The following CA10 variants were observed in gnomAD, a reference collection of about 807,000 sequenced individuals.
CA10 encodes carbonic anhydrase-related protein 10.
A neutral mutation model predicts 44.2 loss-of-function variants in CA10; 14 were observed. The ratio of observed to expected loss-of-function variants is 0.32; its 90% CI spans 0.21 to 0.50. The LOEUF (loss-of-function observed/expected upper bound fraction) is 0.50, where lower values mean the gene tolerates loss of function less well. Among genes scored for constraint, CA10 ranks in the 20% least tolerant of loss-of-function variants. CA10 has a pLI of 0.99. For synonymous variants in CA10, 159 were observed against 141.6 expected (o/e 1.12, Z -0.87); for missense variants, 350 against 409.7 (o/e 0.85, Z 1.26).
At chr17:51,715,724 T>A (rs1443532554) in intron 4 of CA10, among the ~76,000 whole-genome samples, 1 of 152,148 alleles carries the variant, frequency 6.6e-6, no homozygotes, top group African/African-American at 2.4e-5. Context: ...GGAGTCTCGC[T>A]CTGTTACCCA....
intron 4 of CA10, among the ~76,000 whole-genome samples, chr17:51,703,540 G>A (rs773613518): frequency 6.6e-6 from 1 of 152,086 alleles, no homozygotes; most frequent in Non-Finnish European, 1.5e-5. Context: ...AATAAAATGA[G>A]AGGATGTGTG....
chr17:51,966,851 A>G (rs1390231572), intron 2 of CA10, among the ~76,000 whole-genome samples: 2 of 152,042 alleles, frequency 1.3e-5, no homozygotes, highest in East Asian at 3.9e-4. Flanking sequence ...AACAAAAACA[A>G]AAATTGGCAA....
At chr17:51,975,790 G>C (rs1225905765) in intron 2 of CA10, among the ~76,000 whole-genome samples, 1 of 147,184 alleles carries the variant, frequency 6.8e-6, no homozygotes, top group African/African-American at 2.5e-5. Flanking sequence ...TAGATCGTTA[G>C]AACCGAGGAG....
rs552336694 is a variant in CA10, at chr17:51,909,469, CTCT to C, written c.279+21518_279+21520del. Among the ~76,000 whole-genome samples, 12 of 152,230 alleles carry C rather than the reference CTCT, an allele frequency of 7.9e-5. No homozygotes were observed. The East Asian group carries it at 1.9e-3, about 24-fold the overall frequency. ...AAAAGGGGAAGCTCAGTGTCCTCTGCTCTTTTTTCGAGCTATTTTGAGACATGG... is the reference window on the plus strand; with the variant it reads ...AAAAGGGGAAGCTCAGTGTCCTCTGCTTTTTCGAGCTATTTTGAGACATGG... On this transcript the variant is annotated intron_variant, in intron 3 of 8. Transcript: ENST00000451037.
intron 4 of CA10, among the ~76,000 whole-genome samples, chr17:51,727,287 G>T (rs1345521773): frequency 6.6e-6 from 1 of 152,142 alleles, no homozygotes; most frequent in Non-Finnish European, 1.5e-5. Flanking sequence ...CAGGAGGAAA[G>T]GTCTTCCCCC....
At chr17:51,894,339 C>G (rs1235436357) in intron 3 of CA10, among the ~76,000 whole-genome samples, 1 of 152,084 alleles carries the variant, frequency 6.6e-6, no homozygotes, top group Non-Finnish European at 1.5e-5. Flanking sequence ...CCTGAATAAA[C>G]TGGTGAATCA....
chr17:52,037,212 T>C (rs886944710), intron 2 of CA10, among the ~76,000 whole-genome samples: 10 of 152,140 alleles, frequency 6.6e-5, no homozygotes, highest in Non-Finnish European at 1.5e-4. Context: ...GTTGAATAGA[T>C]GGAAGTGAAA....
At chr17:51,744,501 TG>T (rs199518098) in intron 4 of CA10, among the ~76,000 whole-genome samples, 228 of 151,900 alleles carry the variant, frequency 1.5e-3, no homozygotes, top group African/African-American at 5.0e-3. Flanking sequence ...TAGCACTTTG[TG>T]GGGGGGCCAA....
chr17:51,912,692 T>C (rs978317874), intron 3 of CA10, among the ~76,000 whole-genome samples: 12 of 152,190 alleles, frequency 7.9e-5, no homozygotes, highest in Non-Finnish European at 1.6e-4. Flanking sequence ...TGAAAGGGAA[T>C]ATTTTCATCC....
chr17:52,029,240 G>T (rs1567708533), intron 2 of CA10, among the ~76,000 whole-genome samples: 1 of 152,006 alleles, frequency 6.6e-6, no homozygotes, highest in Non-Finnish European at 1.5e-5. Flanking sequence ...AGATCTCCTG[G>T]ACCCCCTCTT....
intron 1 of CA10, among the ~76,000 whole-genome samples, chr17:52,075,816 A>T (rs893081392): frequency 3.9e-5 from 6 of 152,116 alleles, no homozygotes; most frequent in Admixed American, 3.3e-4. Context: ...TATGTTGAAC[A>T]CTAGAGGATA....
At chr17:51,919,903 T>C (rs528318823) in intron 3 of CA10, among the ~76,000 whole-genome samples, 27 of 152,262 alleles carry the variant, frequency 1.8e-4, no homozygotes, top group South Asian at 1.5e-3. Context: ...CTGCCTGCCT[T>C]GGCCTGCTAA....
At chr17:51,808,297 C>T (rs972785994) in intron 3 of CA10, among the ~76,000 whole-genome samples, 1 of 152,208 alleles carries the variant, frequency 6.6e-6, no homozygotes, top group Non-Finnish European at 1.5e-5. Flanking sequence ...TTAAATTAGG[C>T]AATTTACTCA....
intron 1 of CA10, among the ~76,000 whole-genome samples, chr17:52,120,069 C>G (rs1988979274): frequency 6.6e-6 from 1 of 152,088 alleles, no homozygotes; most frequent in South Asian, 2.1e-4. Context: ...AAAATAAGAC[C>G]AAGGGAGCTA....
intron 3 of CA10, among the ~76,000 whole-genome samples, chr17:51,877,380 G>A (rs904318204): frequency 6.6e-6 from 1 of 152,218 alleles, no homozygotes; most frequent in Non-Finnish European, 1.5e-5. Context: ...GAGCATTTAT[G>A]TGACAAATGT....
chr17:51,859,468 A>G (rs1979204832), intron 3 of CA10, among the ~76,000 whole-genome samples: 1 of 152,138 alleles, frequency 6.6e-6, no homozygotes, highest in African/African-American at 2.4e-5. Flanking sequence ...AGATCTGCCA[A>G]TAATATACTT....
intron 3 of CA10, among the ~76,000 whole-genome samples, chr17:51,904,750 A>T (rs1981469181): frequency 6.6e-6 from 1 of 152,082 alleles, no homozygotes; most frequent in African/African-American, 2.4e-5. Flanking sequence ...TATTATTTGC[A>T]GGCTTGGTGA....
intron 1 of CA10, among the ~76,000 whole-genome samples, chr17:52,115,461 A>G (rs1988873387): frequency 6.6e-6 from 1 of 152,234 alleles, no homozygotes; most frequent in Non-Finnish European, 1.5e-5. Flanking sequence ...AAAGGTAGAA[A>G]AAACTGAGAC....
At chr17:51,989,477 A>G (rs1984963997) in intron 2 of CA10, among the ~76,000 whole-genome samples, 1 of 152,076 alleles carries the variant, frequency 6.6e-6, no homozygotes, top group South Asian at 2.1e-4. Flanking sequence ...AATATAAATT[A>G]TTCTACTATA....
Sources: gnomAD v4.1 joint callset for allele counts (sites outside exome capture counted in the v4.1 genomes callset) on GRCh38, gnomAD v4.1.1 for gene constraint, MANE v1.5 for transcripts, NCBI Gene and HGNC (gene_info 2026-07-23, HGNC 2026-07-21) for gene names.